The following BMP6 variants were observed in gnomAD, a reference collection of about 807,000 sequenced individuals.
BMP6 encodes bone morphogenetic protein 6.
In BMP6, 17 loss-of-function variants were observed where a neutral mutation model predicts 54.1. The ratio of observed to expected loss-of-function variants is 0.31; its 90% CI spans 0.22 to 0.47. The LOEUF is 0.47. BMP6 is among the 20% of genes least tolerant of loss of function. The pLI, the probability that BMP6 is intolerant of heterozygous loss-of-function variation, is 1.00. For synonymous variants in BMP6, 328 were observed against 291.2 expected (o/e 1.13, Z -1.28); for missense variants, 720 against 690.4 (o/e 1.04, Z -0.48).
At chr6:7,879,231 A>G in intron 5 of BMP6, 81 bp downstream of exon 5, 1 of 1,406,698 alleles carries the variant, frequency 7.1e-7, no homozygotes, top group Non-Finnish European at 1.0e-6. Flanking sequence ...ATTACCAAAC[A>G]CCCAGAGCTT....
chr6:7,784,515 CAAAATAAAGCTTCTCT>C (rs1349378607), intron 1 of BMP6, among the ~76,000 whole-genome samples: 1 of 151,992 alleles, frequency 6.6e-6, no homozygotes, highest in East Asian at 1.9e-4. Context: ...AGTGTTATTG[CAAAATAAAGCTTCTCT>C]GTGCCAGGAT....
At chr6:7,776,913 G>A (rs927728358) in intron 1 of BMP6, among the ~76,000 whole-genome samples, 2 of 152,194 alleles carry the variant, frequency 1.3e-5, no homozygotes, top group South Asian at 2.1e-4. Flanking sequence ...ACATATAGTA[G>A]GGTGAGAATT....
intron 1 of BMP6, among the ~76,000 whole-genome samples, chr6:7,769,573 A>C (rs938975163): frequency 1.3e-5 from 2 of 152,188 alleles, no homozygotes; most frequent in African/African-American, 4.8e-5. Flanking sequence ...TGAATTTAAA[A>C]CTTGAAAGAC....
chr6:7,808,747 C>T (rs1758390793), intron 1 of BMP6, among the ~76,000 whole-genome samples: 1 of 151,574 alleles, frequency 6.6e-6, no homozygotes, highest in Non-Finnish European at 1.5e-5. Flanking sequence ...GATCATGTCT[C>T]AAACAAAAAA....
chr6:7,849,432 G>T (rs981947121), intron 2 of BMP6, among the ~76,000 whole-genome samples: 5 of 152,072 alleles, frequency 3.3e-5, no homozygotes, highest in African/African-American at 1.2e-4. Context: ...TATTTTTTCT[G>T]TATTGCATGC....
intron 1 of BMP6, among the ~76,000 whole-genome samples, chr6:7,746,591 G>A (rs1247235185): frequency 6.6e-6 from 1 of 152,202 alleles, no homozygotes; most frequent in Non-Finnish European, 1.5e-5. Flanking sequence ...TTGCACCCAA[G>A]AGATGAAAAC....
intron 5 of BMP6, among the ~76,000 whole-genome samples, chr6:7,879,354 AC>A (rs1239614864): frequency 1.3e-5 from 2 of 152,092 alleles, no homozygotes; most frequent in African/African-American, 4.8e-5. Flanking sequence ...AGGCGCTCCA[AC>A]ACCTTCCTAG....
chr6:7,739,353 G>T (rs866770321), intron 1 of BMP6, among the ~76,000 whole-genome samples: 1 of 152,104 alleles, frequency 6.6e-6, no homozygotes, highest in Admixed American at 6.5e-5. Context: ...TTTTCCCTAT[G>T]CTCATCCTTC....
intron 1 of BMP6, among the ~76,000 whole-genome samples, chr6:7,809,091 G>A (rs1435829314): frequency 2.0e-5 from 3 of 148,328 alleles, no homozygotes; most frequent in Admixed American, 1.3e-4. Context: ...TCTTCCAATG[G>A]GCGTATAGTA....
At chr6:7,812,336 AT>A (rs1758447655) in intron 1 of BMP6, among the ~76,000 whole-genome samples, 1 of 152,252 alleles carries the variant, frequency 6.6e-6, no homozygotes, top group Non-Finnish European at 1.5e-5. Flanking sequence ...GCCTAGACAC[AT>A]TTGAAATTCA....
intron 1 of BMP6, among the ~76,000 whole-genome samples, chr6:7,827,481 T>A (rs1258268692): frequency 6.6e-6 from 1 of 152,204 alleles, no homozygotes; most frequent in African/African-American, 2.4e-5. Flanking sequence ...CACTTTATTG[T>A]TCCTTGTGGC....
rs185556382 is a variant in BMP6 at position 7,792,546 on chromosome 6, C to G, written c.665-52594C>G. 1.2e-4 allele frequency among the ~76,000 whole-genome samples: 18 copies of G among 152,308 alleles called. No individual in the cohort carries two copies. In the East Asian group the frequency reaches 2.7e-3, roughly 23 times the overall value. On this transcript the variant is annotated intron_variant, in intron 1 of 6. Transcript: ENST00000283147. ...TGGCTGCATAAAATAGGAATACACACAGACATACCCGACTCAAACAGATAC... is the reference window on the plus strand; with the variant it reads ...TGGCTGCATAAAATAGGAATACACAGAGACATACCCGACTCAAACAGATAC...
chr6:7,741,769 C>T (rs2113117763), intron 1 of BMP6, among the ~76,000 whole-genome samples: 1 of 152,350 alleles, frequency 6.6e-6, no homozygotes, highest in African/African-American at 2.4e-5. Context: ...CTGTTTGCAG[C>T]TGAGCTGCAT....
At chr6:7,789,191 C>T (rs926404721) in intron 1 of BMP6, among the ~76,000 whole-genome samples, 8 of 152,150 alleles carry the variant, frequency 5.3e-5, no homozygotes, top group East Asian at 1.9e-4. Context: ...CCTAGCCCTA[C>T]GTCTCCCCAA....
chr6:7,727,505 C>T lies in BMP6; in HGVS notation c.550C>T (p.Arg184Cys), dbSNP rs769502200. 1.9e-6 allele frequency: 3 copies of T among 1,596,550 alleles called. No homozygotes were observed. Among genetic ancestry groups the T allele is most frequent in the Non-Finnish European group, 2.5e-6 (3 of 1,177,376 alleles). The change falls in exon 1 of 7, where the codon CGC (arginine) becomes TGC (cysteine). Residue 184 changes from arginine to cysteine, a missense_variant. Arg to Cys is a radical substitution (Grantham distance 180). Around this residue, in one of 3 missense-constraint regions of BMP6, gnomAD observed 650 missense variants for 556.3 expected, o/e 1.17. Coordinates refer to ENST00000283147, the MANE Select transcript of BMP6 (RefSeq NM_001718.6). The stretch of plus-strand genomic sequence containing the variant: ...CCCGGGCGCCGCGCACCCGCTCAAC[C>T]GCAAGAGCCTTCTGGCCCCCGGATC... ...PPPGAAHPLN[R>C]KSLLAPGSGS...
intron 1 of BMP6, among the ~76,000 whole-genome samples, chr6:7,825,881 C>T (rs758423282): frequency 3.3e-5 from 5 of 152,208 alleles, no homozygotes; most frequent in Non-Finnish European, 5.9e-5. Flanking sequence ...GAATATTCCC[C>T]AGTCTTCTTC....
chr6:7,740,250 C>T (rs1762021772), intron 1 of BMP6, among the ~76,000 whole-genome samples: 1 of 152,156 alleles, frequency 6.6e-6, no homozygotes, highest in African/African-American at 2.4e-5. Flanking sequence ...GTGAGTGCCT[C>T]CTCACGTGTT....
At chr6:7,788,098 C>T (rs1758044509) in intron 1 of BMP6, among the ~76,000 whole-genome samples, 1 of 152,158 alleles carries the variant, frequency 6.6e-6, no homozygotes, top group Admixed American at 6.5e-5. Flanking sequence ...AAGAATAGTT[C>T]AGACCCTCAG....
intron 1 of BMP6, among the ~76,000 whole-genome samples, chr6:7,758,740 A>G (rs766595723): frequency 2.6e-5 from 4 of 152,138 alleles, no homozygotes; most frequent in Non-Finnish European, 4.4e-5. Context: ...GTGCCTCGCA[A>G]TTCTGGCATC....
Sources: gnomAD v4.1 joint callset for allele counts (sites outside exome capture counted in the v4.1 genomes callset) on GRCh38, gnomAD v4.1.1 for gene constraint, gnomAD v4.1.1 regional missense constraint, MANE v1.5 for transcripts, NCBI Gene and HGNC (gene_info 2026-07-23, HGNC 2026-07-21) for gene names.